The following ZNF827 variants were observed in gnomAD, a reference collection of about 807,000 sequenced individuals.
The protein encoded by ZNF827 is zinc finger protein 827.
A neutral mutation model predicts 102.4 loss-of-function variants in ZNF827; 13 were observed. The observed-to-expected ratio is 0.13, with a 90% confidence interval of 0.08 to 0.20. The LOEUF is 0.20. Ranked by LOEUF, ZNF827 falls within the 10% of genes least tolerant of loss-of-function variation. ZNF827 has a pLI of 1.00. For synonymous variants in ZNF827, 523 were observed against 536.2 expected (o/e 0.98, Z 0.34); for missense variants, 1,103 against 1,344.4 (o/e 0.82, Z 2.81).
intron 5 of ZNF827, among the ~76,000 whole-genome samples, chr4:145,854,403 AGAG>A (rs1269237396): frequency 6.6e-6 from 1 of 151,998 alleles, no homozygotes; most frequent in Admixed American, 6.6e-5. Context: ...CCTACCCTTA[AGAG>A]GAGGAGGAAG....
chr4:145,852,106 G>A (rs1431433469), intron 5 of ZNF827, among the ~76,000 whole-genome samples: 1 of 152,174 alleles, frequency 6.6e-6, no homozygotes, highest in East Asian at 1.9e-4. Context: ...GTCATTGTAA[G>A]GCCTGGGGAC....
At position 145,821,479 on chromosome 4, in the gene ZNF827, C is replaced by G. The variant is rs935219648; in HGVS notation, c.2383+1943G>C. Among the ~76,000 whole-genome samples, 3 of 152,286 alleles carry G rather than the reference C, an allele frequency of 2.0e-5. No individual in the cohort carries two copies. In the East Asian group the frequency reaches 5.8e-4, roughly 29 times the overall value. ...TCTTCAGATTATGAGAACTTCATGA[C>G]CACAAGGTTGTCCCTATCATTTTAA... On this transcript the variant is annotated intron_variant, in intron 8 of 14. Transcript: ENST00000508784.
At chr4:145,886,730 CAA>C (rs200382885) in intron 3 of ZNF827, among the ~76,000 whole-genome samples, 2 of 136,980 alleles carry the variant, frequency 1.5e-5, no homozygotes. Context: ...AAATTACATA[CAA>C]AAAAAAAAAA....
chr4:145,774,447 G>C, intron 11 of ZNF827, 59 bp downstream of exon 11: 2 of 1,554,412 alleles, frequency 1.3e-6, no homozygotes, highest in Non-Finnish European at 1.8e-6. Flanking sequence ...CAGGTGGCAG[G>C]TGCTCTGGGG....
In ZNF827 at chr4:145,902,054, T is replaced by G; in HGVS notation, c.1093+112A>C. ...GTATTTTTGTTGTGCTCTTGCTTTT[T>G]TATTCCTGCCTCAGATCAGATGGGG... On this transcript the variant is annotated intron_variant, in intron 2 of 14. Coordinates refer to ENST00000508784, the MANE Select transcript of ZNF827 (RefSeq NM_001306215.2). This position sits in a 1 kb window ranked among gnomAD's most constrained non-coding sequence, Gnocchi z 4.3. 7.1e-7 allele frequency: 1 copy of G among 1,398,622 alleles called. No homozygotes were observed. Among genetic ancestry groups the G allele is most frequent in the Non-Finnish European group, 9.6e-7 (1 of 1,046,560 alleles). The allele number at this position is 1,398,622 out of a possible 1,614,324, so 86.6% of individuals were successfully genotyped here. A position where few individuals can be genotyped will look rare whatever the true frequency, so the allele number is the denominator to read the frequency against.
rs1042875814 is a variant in ZNF827, at chr4:145,761,819, C to T, written c.*18-221G>A. 2.0e-5 allele frequency among the ~76,000 whole-genome samples: 3 copies of T among 152,190 alleles called. No homozygotes were observed. Among genetic ancestry groups the T allele is most frequent in the Non-Finnish European group, 2.9e-5 (2 of 68,028 alleles). ...GCTGACAAGCAGCTCTGGCAAGGTC[C>T]GCTCAGCCTATTCTGGGTCTCTTGG... is the stretch of plus-strand genomic sequence containing the variant. On this transcript the variant is annotated intron_variant, in intron 14 of 14. Transcript: ENST00000508784. This position sits in a 1 kb window ranked among gnomAD's most constrained non-coding sequence, Gnocchi z 6.8.
rs772176493 is a variant in ZNF827, at chr4:145,870,409, A to C, written c.1817T>G (p.Leu606Arg). The change falls in exon 5 of 15, where the codon CTA (leucine) becomes CGA (arginine). Residue 606 changes from leucine to arginine, a missense_variant. Transcript: ENST00000508784. ...GCTGGACCGAGGCAAAGTCGTGCTT[A>C]GGGACTCCCCTTCCTTAGGCTCCTC... ...VKEEPKEGES[L>R]STTLPRSSYV... is the part of the protein sequence containing the mutation. 6.2e-7 allele frequency: 1 copy of C among 1,614,120 alleles called. No homozygotes were observed. The highest frequency in any genetic ancestry group is 8.5e-7 in the Non-Finnish European group (1 of 1,180,012).
chr4:145,805,803 C>T (rs1741369015), intron 8 of ZNF827, among the ~76,000 whole-genome samples: 1 of 152,084 alleles, frequency 6.6e-6, no homozygotes, highest in African/African-American at 2.4e-5. Context: ...GTCAAGCTCA[C>T]CCTGACGTCA....
intron 8 of ZNF827, among the ~76,000 whole-genome samples, chr4:145,797,597 C>A (rs1272767618): frequency 6.6e-6 from 1 of 152,158 alleles, no homozygotes; most frequent in African/African-American, 2.4e-5. Context: ...CCATCTGCTC[C>A]TTCTCTCCCT....
At chr4:145,888,682 G>C (rs796852339) in intron 3 of ZNF827, among the ~76,000 whole-genome samples, 5 of 152,262 alleles carry the variant, frequency 3.3e-5, no homozygotes, top group African/African-American at 1.2e-4. Flanking sequence ...CCTGACTCTC[G>C]GTCAGTTTCC....
intron 8 of ZNF827, among the ~76,000 whole-genome samples, chr4:145,800,996 G>A (rs1740850714): frequency 6.6e-6 from 1 of 152,178 alleles, no homozygotes; most frequent in African/African-American, 2.4e-5. Context: ...AGGGCAAAGA[G>A]CATGAGCTAA....
At chr4:145,870,542 G>T in intron 4 of ZNF827, 64 bp from the exon 5 acceptor site, 1 of 1,391,052 alleles carries the variant, frequency 7.2e-7, no homozygotes, top group Non-Finnish European at 1.0e-6. Context: ...AGCTGCCCTG[G>T]TACTTCACGA....
At chr4:145,781,414 T>TATA (rs1192066764) in intron 8 of ZNF827, among the ~76,000 whole-genome samples, 3 of 151,958 alleles carry the variant, frequency 2.0e-5, no homozygotes, top group African/African-American at 7.3e-5. Flanking sequence ...CAAATATGAA[T>TATA]ATATGTCTGG....
At chr4:145,769,925 A>G (rs1267040631) in intron 11 of ZNF827, among the ~76,000 whole-genome samples, 4 of 152,256 alleles carry the variant, frequency 2.6e-5, no homozygotes, top group Admixed American at 1.3e-4. Context: ...AGACACTGTT[A>G]CATTTTAGAG....
chr4:145,898,990 C>T (rs1751195888), intron 2 of ZNF827, among the ~76,000 whole-genome samples: 1 of 151,894 alleles, frequency 6.6e-6, no homozygotes, highest in Admixed American at 6.6e-5. Flanking sequence ...GAAAGCCCTG[C>T]CTGAAATCAG....
chr4:145,889,490 A>G (rs1323790017), intron 3 of ZNF827, among the ~76,000 whole-genome samples: 1 of 151,644 alleles, frequency 6.6e-6, no homozygotes, highest in Non-Finnish European at 1.5e-5. Flanking sequence ...TGGAACTGAG[A>G]TTCTAACTAA....
intron 2 of ZNF827, among the ~76,000 whole-genome samples, chr4:145,900,892 G>C (rs1751357313): frequency 6.6e-6 from 1 of 152,218 alleles, no homozygotes; most frequent in East Asian, 1.9e-4. Context: ...GAGAAGAGAG[G>C]AGAAGTGGAA....
At chr4:145,823,205 A>C (rs538116933) in intron 8 of ZNF827, among the ~76,000 whole-genome samples, 2 of 152,378 alleles carry the variant, frequency 1.3e-5, no homozygotes, top group South Asian at 4.1e-4. Context: ...GTAAAGAACA[A>C]TAAGCTCTTA....
At chr4:145,896,401 AG>A (rs955014112) in intron 2 of ZNF827, among the ~76,000 whole-genome samples, 5 of 152,308 alleles carry the variant, frequency 3.3e-5, no homozygotes, top group African/African-American at 1.2e-4. Flanking sequence ...CCAGCTCAGC[AG>A]GGAAAAAAAG....
Sources: allele counts gnomAD v4.1 joint callset (sites outside exome capture counted in the v4.1 genomes callset), GRCh38; gene constraint gnomAD v4.1.1; non-coding constraint Gnocchi (gnomAD v3.1); transcripts MANE v1.5; gene names NCBI Gene and HGNC (gene_info 2026-07-23, HGNC 2026-07-21).